The following SLC24A2 variants were observed in gnomAD, a reference collection of about 807,000 sequenced individuals.
SLC24A2 encodes the protein solute carrier family 24 member 2.
In SLC24A2, 36 loss-of-function variants were observed where a neutral mutation model predicts 62.0. That is an observed-to-expected ratio of 0.58 (90% CI 0.44 to 0.77). The LOEUF (loss-of-function observed/expected upper bound fraction) is 0.77, where lower values mean the gene tolerates loss of function less well. Ranked by LOEUF, SLC24A2 falls within the 30% of genes least tolerant of loss-of-function variation. SLC24A2 has a pLI of 0.00. For missense variants in SLC24A2, 846 were observed against 817.9 expected (o/e 1.03, Z -0.42); for synonymous variants, 358 against 294.0 (o/e 1.22, Z -2.23).
the SLC24A2 span, among the ~76,000 whole-genome samples, chr9:20,020,977 C>T: frequency 2.6e-5 from 4 of 152,122 alleles, no homozygotes; most frequent in South Asian, 2.1e-4. Context: ...TGGAGAATTA[C>T]GAATCAGAAG....
chr9:19,961,839 C>T, the SLC24A2 span, among the ~76,000 whole-genome samples: 2 of 152,188 alleles, frequency 1.3e-5, no homozygotes, highest in African/African-American at 4.8e-5. Context: ...AAACTAAAGC[C>T]TCCCACCTAC....
chr9:19,890,180 C>T, the SLC24A2 span, among the ~76,000 whole-genome samples: 2 of 152,172 alleles, frequency 1.3e-5, no homozygotes, highest in African/African-American at 4.8e-5. Flanking sequence ...TGCTGGCACC[C>T]AAGCCAAATG....
chr9:19,873,682 G>A, the SLC24A2 span, among the ~76,000 whole-genome samples: 2 of 151,912 alleles, frequency 1.3e-5, no homozygotes, highest in Admixed American at 6.6e-5. Flanking sequence ...TAAAAGGAGG[G>A]ATTAGATTCT....
At chr9:20,138,821 C>A in the SLC24A2 span, among the ~76,000 whole-genome samples, 2 of 152,192 alleles carry the variant, frequency 1.3e-5, no homozygotes, top group African/African-American at 2.4e-5. Flanking sequence ...AAGAAGAATC[C>A]TCCCCAGTAG....
chr9:19,720,161 A>C (rs1451154831), intron 2 of SLC24A2, among the ~76,000 whole-genome samples: 2 of 152,220 alleles, frequency 1.3e-5, no homozygotes, highest in African/African-American at 4.8e-5. Context: ...TATGATCAAG[A>C]AATGTAGGTA....
chr9:19,692,182 A>G (rs918212361), intron 2 of SLC24A2, among the ~76,000 whole-genome samples: 1 of 152,180 alleles, frequency 6.6e-6, no homozygotes, highest in African/African-American at 2.4e-5. Context: ...GTATAATTTA[A>G]AAAATTCTCT....
chr9:19,900,086 G>A, the SLC24A2 span, among the ~76,000 whole-genome samples: 1 of 152,188 alleles, frequency 6.6e-6, no homozygotes, highest in Non-Finnish European at 1.5e-5. Context: ...ATGGCCCAAG[G>A]TTGCAGTCTG....
chr9:20,113,524 C>T, the SLC24A2 span, among the ~76,000 whole-genome samples: 1 of 152,122 alleles, frequency 6.6e-6, no homozygotes, highest in South Asian at 2.1e-4. Flanking sequence ...AACTTAGCTT[C>T]ACTAGTTTTT....
chr9:20,075,591 G>A, the SLC24A2 span, among the ~76,000 whole-genome samples: 1 of 152,090 alleles, frequency 6.6e-6, no homozygotes, highest in Non-Finnish European at 1.5e-5. Flanking sequence ...CTATGAGTAG[G>A]AGATCAGATG....
intron 7 of SLC24A2, among the ~76,000 whole-genome samples, chr9:19,561,289 T>TATCA (rs1586962337): frequency 1.3e-5 from 2 of 152,066 alleles, no homozygotes; most frequent in Non-Finnish European, 1.5e-5. Context: ...TCTACTTTCC[T>TATCA]ATCACTTACC....
chr9:20,081,846 A>T, the SLC24A2 span, among the ~76,000 whole-genome samples: 1 of 152,198 alleles, frequency 6.6e-6, no homozygotes, highest in Admixed American at 6.5e-5. Flanking sequence ...CTGAATTTAT[A>T]ACCTAAACCC....
In SLC24A2 at chr9:19,515,751, A is replaced by T. The variant is rs1027560385; in HGVS notation, c.*402T>A. 6 of 234,760 alleles carry T rather than the reference A, an allele frequency of 2.6e-5. No individual in the cohort carries two copies. Among genetic ancestry groups the T allele is most frequent in the African/African-American group, 8.9e-5 (4 of 45,100 alleles). The allele number at this position is 234,760 out of a possible 1,614,324, so 14.5% of individuals were successfully genotyped here. ...TATTTACAGGTATGTACTAATCTAT[A>T]GGTATGCAAGGAGAGGTATAGTACA... is the stretch of plus-strand genomic sequence containing the variant. On this transcript the variant is annotated 3_prime_UTR_variant, in exon 11 of 11. Transcript: ENST00000341998.
rs564121847 is a variant in SLC24A2 at position 19,508,510 on chromosome 9, G to C, written c.*7643C>G. On this transcript the variant is annotated 3_prime_UTR_variant, in exon 11 of 11. Coordinates refer to ENST00000341998, the MANE Select transcript of SLC24A2 (RefSeq NM_020344.4). ...TTACTTTTACTCAAATTACATAAAA[G>C]GGCTGGGTATGGTGGCTCATTCCTT... 98 of 152,294 alleles carry C rather than the reference G, an allele frequency of 6.4e-4. No homozygotes were observed. Among genetic ancestry groups the C allele is most frequent in the African/African-American group, 2.4e-3 (98 of 41,566 alleles). The allele number at this position is 152,294 out of a possible 1,614,324, so 9.4% of individuals were successfully genotyped here. A position where few individuals can be genotyped will look rare whatever the true frequency, so the allele number is the denominator to read the frequency against.
At chr9:19,756,963 T>C (rs1822161639) in intron 2 of SLC24A2, among the ~76,000 whole-genome samples, 1 of 135,676 alleles carries the variant, frequency 7.4e-6, no homozygotes, top group African/African-American at 2.6e-5. Flanking sequence ...CAGGCTGCAG[T>C]AAGTGGCACC....
chr9:20,202,796 C>A, the SLC24A2 span, among the ~76,000 whole-genome samples: 1 of 152,130 alleles, frequency 6.6e-6, no homozygotes, highest in Non-Finnish European at 1.5e-5. Flanking sequence ...ACCTCTTAAA[C>A]CCTGGCTTTG....
chr9:20,248,166 A>C, the SLC24A2 span, among the ~76,000 whole-genome samples: 1 of 152,206 alleles, frequency 6.6e-6, no homozygotes, highest in Non-Finnish European at 1.5e-5. Flanking sequence ...TATTCCAAAC[A>C]GCTGACTTTT....
At chr9:20,159,427 A>G in the SLC24A2 span, among the ~76,000 whole-genome samples, 1 of 151,610 alleles carries the variant, frequency 6.6e-6, no homozygotes, top group African/African-American at 2.4e-5. Flanking sequence ...CCCAGAAACC[A>G]ATTTTCACCC....
intron 2 of SLC24A2, among the ~76,000 whole-genome samples, chr9:19,656,186 T>C (rs1379164120): frequency 1.3e-5 from 2 of 152,200 alleles, no homozygotes; most frequent in Non-Finnish European, 2.9e-5. Context: ...TGAAGTCAAA[T>C]TGCTATGTAA....
At chr9:19,694,925 CCT>C (rs1820141320) in intron 2 of SLC24A2, among the ~76,000 whole-genome samples, 1 of 150,770 alleles carries the variant, frequency 6.6e-6, no homozygotes, top group South Asian at 2.1e-4. Context: ...AGTTGATTTC[CCT>C]GTTTTTTTCT....
Sources: allele counts gnomAD v4.1 joint callset (sites outside exome capture counted in the v4.1 genomes callset), GRCh38; gene constraint gnomAD v4.1.1; transcripts MANE v1.5; gene names NCBI Gene and HGNC (gene_info 2026-07-23, HGNC 2026-07-21).